Variants in GFRA2 observed in about 807,000 individuals in gnomAD.
GFRA2 encodes GDNF family receptor alpha-2.
A neutral mutation model predicts 48.3 loss-of-function variants in GFRA2; 17 were observed. The ratio of observed to expected loss-of-function variants is 0.35; its 90% CI spans 0.24 to 0.53. The LOEUF (loss-of-function observed/expected upper bound fraction) is 0.53, where lower values mean the gene tolerates loss of function less well. Ranked by LOEUF, GFRA2 falls within the 20% of genes least tolerant of loss-of-function variation. The probability of loss-of-function intolerance (pLI) is 0.93; values close to 1 mark genes in which losing one functional copy is unlikely to be tolerated. For missense variants in GFRA2, 660 were observed against 637.3 expected, an observed-to-expected ratio of 1.04 and a Z score of -0.38; for synonymous variants, 305 against 257.2, an observed-to-expected ratio of 1.19 and a Z score of -1.78.
chr8:21,787,814 G>A (rs1208395063), intron 1 of GFRA2, among the ~76,000 whole-genome samples: 2 of 152,220 alleles, frequency 1.3e-5, no homozygotes, highest in Non-Finnish European at 2.9e-5. Flanking sequence ...TATTTCGGGG[G>A]AGATGCGCGC....
chr8:21,714,372 C>G (rs117686996), intron 4 of GFRA2, among the ~76,000 whole-genome samples: 1 of 150,712 alleles, frequency 6.6e-6, no homozygotes, highest in Non-Finnish European at 1.5e-5. Flanking sequence ...CCTCAGCCAC[C>G]GGAGCAGCTG....
chr8:21,753,219 A>G (rs1805383897), intron 3 of GFRA2, among the ~76,000 whole-genome samples: 1 of 152,188 alleles, frequency 6.6e-6, no homozygotes, highest in Non-Finnish European at 1.5e-5. Flanking sequence ...TCCGCTCACC[A>G]CACACGGCTG....
intron 7 of GFRA2, among the ~76,000 whole-genome samples, chr8:21,698,792 AC>A (rs917444924): frequency 2.0e-5 from 3 of 150,432 alleles, no homozygotes; most frequent in Admixed American, 6.6e-5. Flanking sequence ...AGTATAGTAG[AC>A]CCCCACTCAG....
At chr8:21,770,325 C>G (rs898553700) in intron 3 of GFRA2, among the ~76,000 whole-genome samples, 5 of 152,260 alleles carry the variant, frequency 3.3e-5, no homozygotes, top group Non-Finnish European at 5.9e-5. Flanking sequence ...TGGCTTAGTG[C>G]AGCATGCCAG....
At chr8:21,725,323 C>A (rs567773716) in intron 4 of GFRA2, among the ~76,000 whole-genome samples, 6 of 152,212 alleles carry the variant, frequency 3.9e-5, no homozygotes, top group Non-Finnish European at 2.9e-5. Context: ...TGGTCAGCAA[C>A]AGCATGCTGA....
chr8:21,806,185 T>C (rs767375809), intron 1 of GFRA2, among the ~76,000 whole-genome samples: 3 of 152,236 alleles, frequency 2.0e-5, no homozygotes, highest in Non-Finnish European at 4.4e-5. Context: ...AAGTCAGAAC[T>C]ACGGAGGGTC....
chr8:21,695,192 C>T (rs1802098345), intron 7 of GFRA2, among the ~76,000 whole-genome samples: 1 of 152,154 alleles, frequency 6.6e-6, no homozygotes, highest in African/African-American at 2.4e-5. Flanking sequence ...GTAATGATTC[C>T]AAGATTGTCT....
At chr8:21,794,269 G>A (rs1159013620) in intron 2 of GFRA2, among the ~76,000 whole-genome samples, 16 of 113,364 alleles carry the variant, frequency 1.4e-4, no homozygotes, top group Non-Finnish European at 2.5e-4. Flanking sequence ...TTGAAACGGA[G>A]TCTCACTCTG....
At chr8:21,749,522 T>C (rs1805172610) in intron 4 of GFRA2, among the ~76,000 whole-genome samples, 1 of 151,472 alleles carries the variant, frequency 6.6e-6, no homozygotes, top group South Asian at 2.1e-4. Context: ...GACCCATTCC[T>C]CACTCATATG....
rs994900074 is a variant in GFRA2 at position 21,693,308 on chromosome 8, C to G, written c.1365G>C (p.Leu455=). Reference sequence around the variant, plus strand: ...AGGCCAGTTTCAGCATCAGGACAGACAGCACGGTCAAGGCAGCCGACGGTC... The same window carrying G: ...AGGCCAGTTTCAGCATCAGGACAGAGAGCACGGTCAAGGCAGCCGACGGTC... The part of the protein sequence containing the change: ...RARPSAALTV[L]SVLMLKLAL The change falls in exon 9 of 9, where the codon CTG becomes CTC. Residue 455 remains leucine (L), a synonymous_variant. Transcript: ENST00000524240. 7 of 1,613,548 alleles carry G rather than the reference C, an allele frequency of 4.3e-6. No individual in the cohort carries two copies. The highest frequency in any genetic ancestry group is 5.9e-6 in the Non-Finnish European group (7 of 1,179,770).
chr8:21,694,212 G>A (rs1802043526), intron 8 of GFRA2, among the ~76,000 whole-genome samples: 1 of 151,458 alleles, frequency 6.6e-6, no homozygotes, highest in South Asian at 2.1e-4. Context: ...AGAGAGTAAG[G>A]AAGGCATGGG....
intron 6 of GFRA2, 145 bp downstream of exon 6, chr8:21,704,840 C>T (rs2117366103): frequency 4.4e-6 from 3 of 682,798 alleles, no homozygotes; most frequent in Non-Finnish European, 7.6e-6. Context: ...GCTCAAAACC[C>T]AAGGTCCCCA....
rs1406643891 is a variant in GFRA2 at position 21,750,296 on chromosome 8, G to C, written c.794+292C>G. Among the ~76,000 whole-genome samples, 1 of 152,104 alleles carries C rather than the reference G, an allele frequency of 6.6e-6. No individual in the cohort carries two copies. Among genetic ancestry groups the C allele is most frequent in the African/African-American group, 2.4e-5 (1 of 41,416 alleles). On this transcript the variant is annotated intron_variant, in intron 4 of 8. Transcript: ENST00000524240. The surrounding 1 kb of genome is among the most constrained non-coding windows in gnomAD (Gnocchi z 5.7). ...TGGTTTTAAATTATAAGCTCCTTGG[G>C]TTGTTCATTTTGGTTTCCCCAGCTG...
chr8:21,780,957 A>T (rs907123489), intron 2 of GFRA2: 1 of 152,128 alleles, frequency 6.6e-6, no homozygotes, highest in South Asian at 2.1e-4. Flanking sequence ...CCCCATCTCT[A>T]CCAAAAAAAT....
chr8:21,717,296 C>T (rs1474390508), intron 4 of GFRA2, among the ~76,000 whole-genome samples: 2 of 152,148 alleles, frequency 1.3e-5, no homozygotes, highest in Non-Finnish European at 2.9e-5. Flanking sequence ...ACATTAACAC[C>T]AGGGAAAGCT....
At chr8:21,735,013 T>G (rs1232110707) in intron 4 of GFRA2, among the ~76,000 whole-genome samples, 1 of 152,148 alleles carries the variant, frequency 6.6e-6, no homozygotes, top group African/African-American at 2.4e-5. Context: ...CCGCTTCAAG[T>G]TGTCCCGCCT....
At chr8:21,785,124 G>A (rs1205530033) in intron 1 of GFRA2, among the ~76,000 whole-genome samples, 3 of 152,226 alleles carry the variant, frequency 2.0e-5, no homozygotes, top group Non-Finnish European at 4.4e-5. Context: ...TTAGCCTTCT[G>A]TAGGCACAGA....
chr8:21,702,372 G>T (rs900841791), intron 7 of GFRA2, among the ~76,000 whole-genome samples: 12 of 152,200 alleles, frequency 7.9e-5, no homozygotes, highest in Admixed American at 7.9e-4. Context: ...ATGCACTTCT[G>T]CAATGGGTGC....
At chr8:21,731,189 G>A (rs1163248509) in intron 4 of GFRA2, among the ~76,000 whole-genome samples, 2 of 152,132 alleles carry the variant, frequency 1.3e-5, no homozygotes, top group Non-Finnish European at 2.9e-5. Flanking sequence ...GCTTTAGCAT[G>A]ACAGCCTCGT....
Sources: gnomAD v4.1 joint callset for allele counts (sites outside exome capture counted in the v4.1 genomes callset) on GRCh38, gnomAD v4.1.1 for gene constraint, Gnocchi (gnomAD v3.1) non-coding constraint, MANE v1.5 for transcripts, NCBI Gene and HGNC (gene_info 2026-07-23, HGNC 2026-07-21) for gene names.